AKAP6: variants seen among roughly 807,000 people sequenced by gnomAD.
AKAP6 encodes A-kinase anchor protein 6.
A neutral mutation model predicts 188.5 loss-of-function variants in AKAP6; 58 were observed. That is an observed-to-expected ratio of 0.31 (90% CI 0.25 to 0.38). AKAP6 has a LOEUF of 0.38. AKAP6 is among the 10% of genes least tolerant of loss of function. The probability of loss-of-function intolerance (pLI) is 1.00; values close to 1 mark genes in which losing one functional copy is unlikely to be tolerated. For missense variants in AKAP6, 2,710 were observed against 2,740.0 expected, an observed-to-expected ratio of 0.99 and a Z score of 0.24; for synonymous variants, 989 against 998.6, an observed-to-expected ratio of 0.99 and a Z score of 0.18.
At chr14:32,410,022 A>G (rs776235092) in intron 1 of AKAP6, among the ~76,000 whole-genome samples, 4 of 152,200 alleles carry the variant, frequency 2.6e-5, no homozygotes, top group Non-Finnish European at 5.9e-5. Context: ...ATAACATCAC[A>G]TAACAAATAA....
Position 32,822,253 on chromosome 14 carries a change from A to G in AKAP6, c.4440A>G (p.Leu1480=). 2 of 1,613,930 alleles carry G rather than the reference A, an allele frequency of 1.2e-6. No homozygotes were observed. Among genetic ancestry groups the G allele is most frequent in the East Asian group, 2.2e-5 (1 of 44,860 alleles). The part of the protein sequence containing the change: ...YSYLQGSKLK[L]PMIMKQSQSE... ...ACCTCCAAGGCTCAAAACTCAAATT[A>G]CCAATGATAATGAAACAGTCACAAA... The change falls in exon 13 of 14, where the codon TTA becomes TTG. Residue 1480 remains leucine (L), a synonymous_variant. Coordinates refer to ENST00000280979, the MANE Select transcript of AKAP6 (RefSeq NM_004274.5).
intron 7 of AKAP6, among the ~76,000 whole-genome samples, chr14:32,667,411 G>C (rs1888989897): frequency 6.6e-6 from 1 of 152,042 alleles, no homozygotes; most frequent in African/African-American, 2.4e-5. Flanking sequence ...CATGCCACCT[G>C]AGACATCTTG....
At chr14:32,481,011 A>G (rs1441058039) in intron 2 of AKAP6, among the ~76,000 whole-genome samples, 2 of 152,220 alleles carry the variant, frequency 1.3e-5, no homozygotes, top group African/African-American at 2.4e-5. Context: ...GATAACTCCT[A>G]TTGACAACTT....
At chr14:32,492,355 T>TATATATATATATATAGAGAGAG in intron 2 of AKAP6, among the ~76,000 whole-genome samples, 1,300 of 82,364 alleles carry the variant, frequency 0.016, 36 homozygotes, top group Admixed American at 0.026. Context: ...TATATATATA[T>TATATATATATATATAGAGAGAG]AGAGAGAGAG....
rs118002524 is a variant in AKAP6, at chr14:32,543,851, C to T, written c.577-1379C>T. On this transcript the variant is annotated intron_variant, in intron 3 of 13. Transcript: ENST00000280979. Reference sequence around the variant, plus strand: ...TGTAAGAAAGGGACAATAGTACAGACGGCAGAAGAAAATTTTAAGGATTAA... The same window carrying T: ...TGTAAGAAAGGGACAATAGTACAGATGGCAGAAGAAAATTTTAAGGATTAA... 1.6e-3 allele frequency among the ~76,000 whole-genome samples: 241 copies of T among 152,156 alleles called. 1 individual carries two copies. The highest frequency in any genetic ancestry group is 2.1e-3 in the Non-Finnish European group (144 of 68,012).
intron 2 of AKAP6, among the ~76,000 whole-genome samples, chr14:32,462,916 A>AAAAAAAAAAAAAAC (rs1891389540): frequency 4.3e-5 from 4 of 93,762 alleles, no homozygotes; most frequent in African/African-American, 1.4e-4. Flanking sequence ...AAAAAAAAAA[A>AAAAAAAAAAAAAAC]AAAAAAAAAA....
At chr14:32,779,234 AAAAAAT>A (rs1419845965) in intron 12 of AKAP6, among the ~76,000 whole-genome samples, 2 of 151,688 alleles carry the variant, frequency 1.3e-5, no homozygotes, top group Non-Finnish European at 2.9e-5. Context: ...CGTCACTACA[AAAAAAT>A]AAAAATAAAA....
chr14:32,679,447 C>T (rs1003054979), intron 8 of AKAP6, among the ~76,000 whole-genome samples: 1 of 152,040 alleles, frequency 6.6e-6, no homozygotes, highest in Non-Finnish European at 1.5e-5. Flanking sequence ...TTATATAAAC[C>T]TATGGGATGT....
intron 8 of AKAP6, among the ~76,000 whole-genome samples, chr14:32,682,846 C>T (rs1194342500): frequency 6.6e-6 from 1 of 152,104 alleles, no homozygotes; most frequent in Non-Finnish European, 1.5e-5. Flanking sequence ...GTCTCTGGAC[C>T]ACCAGCAGCA....
In AKAP6 at chr14:32,520,715, C is replaced by G. The variant is rs185824117; in HGVS notation, c.325-14839C>G. 3.3e-5 allele frequency among the ~76,000 whole-genome samples: 5 copies of G among 152,072 alleles called. No individual in the cohort carries two copies. In the East Asian group the frequency reaches 9.7e-4, roughly 29 times the overall value. On this transcript the variant is annotated intron_variant, in intron 2 of 13. Transcript: ENST00000280979. ...AGGCAGTAATTAGTAGCCTACCAACCAAAAAAAGTCTAGGACCAGACGCGT... is the reference window on the plus strand; with the variant it reads ...AGGCAGTAATTAGTAGCCTACCAACGAAAAAAAGTCTAGGACCAGACGCGT...
chr14:32,453,575 C>CTTTTT lies in AKAP6; in HGVS notation c.324+19793_324+19797dup, dbSNP rs71115071. ...GTGGAGATAATAGAATTTTTCTTTT[C>CTTTTT]TTTTTTTTTTTTTTTTTTTTTTTTT... On this transcript the variant is annotated intron_variant, in intron 2 of 13. Coordinates refer to ENST00000280979, the MANE Select transcript of AKAP6 (RefSeq NM_004274.5). Among the ~76,000 whole-genome samples the CTTTTT allele has an allele frequency of 3.6e-3, 343 of 95,304 alleles. 44 individuals carry two copies. Among genetic ancestry groups the CTTTTT allele is most frequent in the East Asian group, 0.022 (61 of 2,822 alleles). The allele number at this position is 95,304 out of a possible 152,430, so 62.5% of individuals were successfully genotyped here.
chr14:32,711,394 C>G (rs1388210441), intron 9 of AKAP6, among the ~76,000 whole-genome samples: 1 of 152,050 alleles, frequency 6.6e-6, no homozygotes, highest in Non-Finnish European at 1.5e-5. Flanking sequence ...GGCTTGACTG[C>G]TCTGAAATTG....
At chr14:32,691,504 C>A (rs1458259148) in intron 8 of AKAP6, among the ~76,000 whole-genome samples, 1 of 152,102 alleles carries the variant, frequency 6.6e-6, no homozygotes, top group Non-Finnish European at 1.5e-5. Context: ...AAATTGTGGT[C>A]ATTTCAGAAT....
At chr14:32,525,740 A>G (rs1480079473) in intron 2 of AKAP6, among the ~76,000 whole-genome samples, 2 of 152,122 alleles carry the variant, frequency 1.3e-5, no homozygotes, top group Non-Finnish European at 2.9e-5. Flanking sequence ...ATTTTATCCA[A>G]TTGAATTCGA....
intron 1 of AKAP6, among the ~76,000 whole-genome samples, chr14:32,368,670 A>G (rs1887911867): frequency 6.6e-6 from 1 of 152,130 alleles, no homozygotes; most frequent in Admixed American, 6.6e-5. Flanking sequence ...TAGACTGTGA[A>G]TAGAGGGCAG....
chr14:32,610,062 G>A (rs182330571), intron 7 of AKAP6, among the ~76,000 whole-genome samples: 4 of 152,172 alleles, frequency 2.6e-5, no homozygotes, highest in Admixed American at 6.5e-5. Flanking sequence ...CACTCACAAC[G>A]GGCTTACTAT....
chr14:32,391,950 A>C (rs781719396), intron 1 of AKAP6, among the ~76,000 whole-genome samples: 1 of 152,126 alleles, frequency 6.6e-6, no homozygotes, highest in Non-Finnish European at 1.5e-5. Flanking sequence ...ATGAAGTGGG[A>C]GTGAGTCTTA....
At chr14:32,787,411 G>C (rs187628075) in intron 12 of AKAP6, among the ~76,000 whole-genome samples, 148 of 152,198 alleles carry the variant, frequency 9.7e-4, no homozygotes, top group African/African-American at 3.2e-3. Context: ...ATTGTAACTT[G>C]GGGATTCATT....
intron 11 of AKAP6, among the ~76,000 whole-genome samples, chr14:32,742,968 G>A (rs576140355): frequency 0.013 from 2,014 of 152,088 alleles, 35 homozygotes; most frequent in Non-Finnish European, 0.014. Context: ...AAGTGGGTGA[G>A]TTGAAGTCTC....
Sources: allele counts gnomAD v4.1 joint callset (sites outside exome capture counted in the v4.1 genomes callset), GRCh38; gene constraint gnomAD v4.1.1; transcripts MANE v1.5; gene names NCBI Gene and HGNC (gene_info 2026-07-23, HGNC 2026-07-21).